PLEKHH2: variants seen among roughly 807,000 people sequenced by gnomAD.
PLEKHH2 encodes pleckstrin homology domain-containing family H member 2.
PLEKHH2 carries 129 observed loss-of-function variants against 187.9 expected under a neutral mutation model. The ratio of observed to expected loss-of-function variants is 0.69; its 90% CI spans 0.59 to 0.79. PLEKHH2 has a LOEUF of 0.79. PLEKHH2 is among the 30% of genes least tolerant of loss of function. The pLI, the probability that PLEKHH2 is intolerant of heterozygous loss-of-function variation, is 0.00. For synonymous variants in PLEKHH2, 686 were observed against 605.6 expected, an observed-to-expected ratio of 1.13 and a Z score of -1.95; for missense variants, 2,076 against 1,751.2, an observed-to-expected ratio of 1.19 and a Z score of -3.31.
intron 14 of PLEKHH2, chr2:43,711,973 T>C: frequency 8.4e-7 from 1 of 1,192,782 alleles, no homozygotes; most frequent in African/African-American, 1.6e-5. Context: ...AAACAAGATA[T>C]AAAATCATAA....
chr2:43,689,405 A>G (rs1408718974), intron 3 of PLEKHH2, among the ~76,000 whole-genome samples: 1 of 152,246 alleles, frequency 6.6e-6, no homozygotes, highest in Non-Finnish European at 1.5e-5. Context: ...TTTAACAAGC[A>G]ATTTGAATTC....
At chr2:43,675,470 C>G in intron 2 of PLEKHH2, 1 of 1,614,016 alleles carries the variant, frequency 6.2e-7, no homozygotes, top group South Asian at 1.1e-5. Context: ...TACATCATTA[C>G]TTCCATCTTT....
At chr2:43,644,402 G>A (rs1363952365) in intron 1 of PLEKHH2, among the ~76,000 whole-genome samples, 1 of 151,612 alleles carries the variant, frequency 6.6e-6, no homozygotes, top group African/African-American at 2.4e-5. Context: ...CCCCTTTTCT[G>A]GATTGGCTAA....
intron 15 of PLEKHH2, among the ~76,000 whole-genome samples, chr2:43,714,218 C>T (rs1447461089): frequency 1.3e-5 from 2 of 152,192 alleles, no homozygotes; most frequent in Non-Finnish European, 2.9e-5. Context: ...ATTTTGTTTG[C>T]TTGCTTGTTT....
At chr2:43,686,081 T>C (rs6748247) in intron 3 of PLEKHH2, among the ~76,000 whole-genome samples, 24,799 of 152,152 alleles carry the variant, frequency 0.16, 3,070 homozygotes, top group African/African-American at 0.35. Flanking sequence ...CATGAGCTAA[T>C]CTTCCCTTTC....
chr2:43,675,956 C>A, intron 2 of PLEKHH2: 1 of 1,613,960 alleles, frequency 6.2e-7, no homozygotes, highest in Non-Finnish European at 8.5e-7. Context: ...TATTTGTAAG[C>A]GGTCCTCATC....
chr2:43,651,847 T>G (rs1168973736), intron 2 of PLEKHH2, among the ~76,000 whole-genome samples: 1 of 152,244 alleles, frequency 6.6e-6, no homozygotes, highest in Non-Finnish European at 1.5e-5. Context: ...TTTGAATTTT[T>G]AAAAAGTTAT....
chr2:43,705,299 A>G (rs1669604921), intron 9 of PLEKHH2, among the ~76,000 whole-genome samples: 1 of 121,508 alleles, frequency 8.2e-6, no homozygotes, highest in Admixed American at 1.1e-4. Context: ...TCTGTCACCC[A>G]GGTGGGAGTG....
chr2:43,653,328 T>G (rs375094542), intron 2 of PLEKHH2, among the ~76,000 whole-genome samples: 4 of 152,278 alleles, frequency 2.6e-5, no homozygotes, highest in Middle Eastern at 3.4e-3. Flanking sequence ...CATCAGGAAT[T>G]GAAATGGCTT....
rs111675012 is a variant in PLEKHH2 at position 43,637,282 on chromosome 2, T to A, written c.-101T>A. ...CTTCCCCGCCCTCTCCGAGCTCGGC[T>A]TGAGGCGGGCGCGGGCTGAGAGTCC... is the stretch of plus-strand genomic sequence containing the variant. On this transcript the variant is annotated 5_prime_UTR_variant, in exon 1 of 30. The change creates a new upstream start codon in the 5' untranslated region. Coordinates refer to ENST00000282406, the MANE Select transcript of PLEKHH2 (RefSeq NM_172069.4). The A allele has an allele frequency of 2.5e-4, 38 of 152,390 alleles. No individual in the cohort carries two copies. Among genetic ancestry groups the A allele is most frequent in the Admixed American group, 3.9e-4 (6 of 15,290 alleles). 9.4% of individuals were successfully genotyped at this position (152,390 alleles called of 1,614,324 possible).
chr2:43,711,412 A>T (rs1248865171), intron 14 of PLEKHH2: 1 of 982,688 alleles, frequency 1.0e-6, no homozygotes, highest in Non-Finnish European at 1.2e-6. Context: ...CTAATTTGAG[A>T]CTGGAACATT....
intron 15 of PLEKHH2, among the ~76,000 whole-genome samples, chr2:43,714,522 A>T (rs2104527759): frequency 6.6e-6 from 1 of 152,334 alleles, no homozygotes; most frequent in Middle Eastern, 3.4e-3. Context: ...GTCAAATTGC[A>T]TTTGAATACC....
chr2:43,753,519 C>A, intron 24 of PLEKHH2, 100 bp from the exon 25 acceptor site: 2 of 904,512 alleles, frequency 2.2e-6, no homozygotes, highest in Non-Finnish European at 1.6e-6. Context: ...ACTTAGAGTA[C>A]TGTGTTAAAA....
chr2:43,729,547 C>T, intron 17 of PLEKHH2, 90 bp from the exon 18 acceptor site: 3 of 794,874 alleles, frequency 3.8e-6, no homozygotes, highest in Non-Finnish European at 5.5e-6. Context: ...TCATTTCCAT[C>T]TCAAAGTTTT....
At chr2:43,713,223 G>GT (rs1049394226) in intron 15 of PLEKHH2, among the ~76,000 whole-genome samples, 4 of 151,818 alleles carry the variant, frequency 2.6e-5, no homozygotes, top group Admixed American at 2.6e-4. Flanking sequence ...CTCACAGCAT[G>GT]TTTTTTTTCC....
intron 2 of PLEKHH2, among the ~76,000 whole-genome samples, chr2:43,648,738 A>G (rs898769329): frequency 7.9e-5 from 12 of 151,538 alleles, no homozygotes; most frequent in African/African-American, 2.9e-4. Flanking sequence ...GGGCCACCAC[A>G]TCTGGCTAAT....
At chr2:43,712,200 C>G in intron 14 of PLEKHH2, 25 bp from the exon 15 acceptor site, 1 of 1,604,326 alleles carries the variant, frequency 6.2e-7, no homozygotes, top group Non-Finnish European at 8.5e-7. Flanking sequence ...GTTTTCTTTC[C>G]TATACCTTTC....
intron 19 of PLEKHH2, among the ~76,000 whole-genome samples, chr2:43,733,362 C>CAAAAAA (rs60417054): frequency 9.5e-6 from 1 of 105,420 alleles, no homozygotes; most frequent in Non-Finnish European, 2.1e-5. Context: ...GACTCCATCT[C>CAAAAAA]AAAAAAAAAA....
intron 18 of PLEKHH2, among the ~76,000 whole-genome samples, 186 bp downstream of exon 18, chr2:43,729,931 C>T (rs1043380187): frequency 1.3e-5 from 2 of 152,044 alleles, no homozygotes; most frequent in African/African-American, 4.8e-5. Context: ...CACCATCATT[C>T]CTCATTAGTC....
Sources: gnomAD v4.1 joint callset for allele counts (sites outside exome capture counted in the v4.1 genomes callset) on GRCh38, gnomAD v4.1.1 for gene constraint, MANE v1.5 for transcripts, NCBI Gene and HGNC (gene_info 2026-07-23, HGNC 2026-07-21) for gene names.